Variants in CNTN5 observed in about 807,000 individuals in gnomAD.
CNTN5 encodes contactin-5.
Under a neutral mutation model 129.1 loss-of-function variants are expected in CNTN5, and 77 were observed. The observed-to-expected ratio is 0.60, with a 90% confidence interval of 0.50 to 0.72. The LOEUF (loss-of-function observed/expected upper bound fraction) is 0.72. Ranked by LOEUF, CNTN5 falls within the 30% of genes least tolerant of loss-of-function variation. The pLI, the probability that CNTN5 is intolerant of heterozygous loss-of-function variation, is 0.00. For synonymous variants in CNTN5, 509 were observed against 465.6 expected, an observed-to-expected ratio of 1.09 and a Z score of -1.20; for missense variants, 1,478 against 1,328.8, an observed-to-expected ratio of 1.11 and a Z score of -1.75.
chr11:100,195,080 G>A (rs1948601655), intron 15 of CNTN5, among the ~76,000 whole-genome samples: 1 of 151,932 alleles, frequency 6.6e-6, no homozygotes, highest in South Asian at 2.1e-4. Context: ...TACCTTGGGT[G>A]ATAATTCCTT....
chr11:100,122,486 A>G (rs989763146), intron 13 of CNTN5, among the ~76,000 whole-genome samples: 1 of 152,072 alleles, frequency 6.6e-6, no homozygotes, highest in Non-Finnish European at 1.5e-5. Context: ...ATATCTTGCC[A>G]GTTCTCAAGC....
intron 3 of CNTN5, among the ~76,000 whole-genome samples, chr11:99,805,772 A>C (rs1172465048): frequency 6.6e-6 from 1 of 152,208 alleles, no homozygotes; most frequent in Non-Finnish European, 1.5e-5. Flanking sequence ...TCTACATTTT[A>C]ATTAGGTAGC....
intron 3 of CNTN5, among the ~76,000 whole-genome samples, chr11:99,683,692 A>C (rs930947711): frequency 1.3e-5 from 2 of 151,882 alleles, no homozygotes; most frequent in African/African-American, 4.8e-5. Flanking sequence ...TTGGGAGTAC[A>C]TTGAGTCTAT....
At chr11:99,561,007 A>G (rs1430487695) in intron 3 of CNTN5, among the ~76,000 whole-genome samples, 1 of 152,194 alleles carries the variant, frequency 6.6e-6, no homozygotes, top group East Asian at 1.9e-4. Context: ...CTGAGTAGCA[A>G]CCAACACACA....
chr11:99,285,775 T>A (rs916220074), intron 1 of CNTN5, among the ~76,000 whole-genome samples: 11 of 152,104 alleles, frequency 7.2e-5, no homozygotes, highest in Admixed American at 6.5e-4. Flanking sequence ...CGGTGGCTCA[T>A]GCCTGTAATC....
At chr11:99,774,126 G>T (rs1019371074) in intron 3 of CNTN5, among the ~76,000 whole-genome samples, 1 of 151,854 alleles carries the variant, frequency 6.6e-6, no homozygotes, top group African/African-American at 2.4e-5. Flanking sequence ...TTCTAGAATG[G>T]TTTAAGTTTT....
chr11:99,136,533 C>T (rs913972541), intron 1 of CNTN5, among the ~76,000 whole-genome samples: 1 of 152,148 alleles, frequency 6.6e-6, no homozygotes, highest in Non-Finnish European at 1.5e-5. Flanking sequence ...TTCCTCTACT[C>T]CTGCCATCTT....
chr11:100,176,397 T>C (rs975460829), intron 13 of CNTN5, among the ~76,000 whole-genome samples: 1 of 152,154 alleles, frequency 6.6e-6, no homozygotes, highest in African/African-American at 2.4e-5. Context: ...CTACAGTTAT[T>C]ATTTTATTGT....
chr11:99,158,742 T>C (rs1166445557), intron 1 of CNTN5, among the ~76,000 whole-genome samples: 1 of 152,162 alleles, frequency 6.6e-6, no homozygotes, highest in Admixed American at 6.5e-5. Context: ...CTATTAGAAG[T>C]GTTATCAAAT....
chr11:100,342,608 A>T (rs1490463563), intron 23 of CNTN5, among the ~76,000 whole-genome samples: 1 of 152,064 alleles, frequency 6.6e-6, no homozygotes, highest in East Asian at 1.9e-4. Context: ...TTCACATTTG[A>T]CACCTCTTTC....
chr11:99,119,451 T>G (rs1355330173), intron 1 of CNTN5, among the ~76,000 whole-genome samples: 1 of 152,124 alleles, frequency 6.6e-6, no homozygotes, highest in Non-Finnish European at 1.5e-5. Flanking sequence ...CCATCTATGT[T>G]CCTTCAAAGG....
chr11:100,222,031 T>A (rs184956261), intron 15 of CNTN5, among the ~76,000 whole-genome samples: 2 of 152,310 alleles, frequency 1.3e-5, no homozygotes, highest in East Asian at 3.9e-4. Flanking sequence ...TTCCTCTCAT[T>A]ACTTCTCTTG....
chr11:99,563,029 G>A (rs1262676374), intron 3 of CNTN5, among the ~76,000 whole-genome samples: 1 of 152,242 alleles, frequency 6.6e-6, no homozygotes, highest in African/African-American at 2.4e-5. Context: ...ATAAGACAAG[G>A]AAGCATGTCT....
At chr11:99,609,030 C>A (rs1347155578) in intron 3 of CNTN5, among the ~76,000 whole-genome samples, 1 of 152,106 alleles carries the variant, frequency 6.6e-6, no homozygotes, top group Non-Finnish European at 1.5e-5. Flanking sequence ...GCTTTGTATG[C>A]CAGTTTCACA....
chr11:99,960,497 TATG>T (rs1400649105), intron 8 of CNTN5, among the ~76,000 whole-genome samples: 7 of 152,176 alleles, frequency 4.6e-5, no homozygotes, highest in Non-Finnish European at 8.8e-5. Flanking sequence ...TATGACTTAA[TATG>T]ATATTTTTCC....
In CNTN5 at chr11:99,573,789, C is replaced by T. The variant is rs539323502; in HGVS notation, c.55+17520C>T. On this transcript the variant is annotated intron_variant, in intron 3 of 24. Coordinates refer to ENST00000524871, the MANE Select transcript of CNTN5 (RefSeq NM_014361.4). Reference sequence around the variant, plus strand: ...GTCTTCTTTTCATTGGCCATGCATGCATTTTGGAGAAACCTTTCTAGAGCA... The same window carrying T: ...GTCTTCTTTTCATTGGCCATGCATGTATTTTGGAGAAACCTTTCTAGAGCA... 2.0e-5 allele frequency among the ~76,000 whole-genome samples: 3 copies of T among 151,872 alleles called. No homozygotes were observed. The East Asian group carries it at 5.9e-4, about 30-fold the overall frequency.
chr11:99,853,207 AAAC>A (rs1947928948), intron 6 of CNTN5, among the ~76,000 whole-genome samples: 1 of 152,142 alleles, frequency 6.6e-6, no homozygotes, highest in South Asian at 2.1e-4. Flanking sequence ...TGAGTCAAAG[AAAC>A]AACAATTATT....
intron 1 of CNTN5, among the ~76,000 whole-genome samples, chr11:99,202,104 T>C (rs2135633674): frequency 6.6e-6 from 1 of 152,352 alleles, no homozygotes; most frequent in South Asian, 2.1e-4. Flanking sequence ...TTATGATCAG[T>C]TCATTTTTTA....
At chr11:100,023,163 G>C (rs1292890340) in intron 9 of CNTN5, among the ~76,000 whole-genome samples, 1 of 152,054 alleles carries the variant, frequency 6.6e-6, no homozygotes, top group Non-Finnish European at 1.5e-5. Context: ...ACTGTTCAAC[G>C]ATGCTGTGAT....
Sources: allele counts gnomAD v4.1 joint callset (sites outside exome capture counted in the v4.1 genomes callset), GRCh38; gene constraint gnomAD v4.1.1; transcripts MANE v1.5; gene names NCBI Gene and HGNC (gene_info 2026-07-23, HGNC 2026-07-21).